JAZF1: variants seen among roughly 807,000 people sequenced by gnomAD.
JAZF1 encodes JAZF zinc finger 1, also known as juxtaposed with another zinc finger protein 1.
A neutral mutation model predicts 26.4 loss-of-function variants in JAZF1; 8 were observed. The observed-to-expected ratio is 0.30, with a 90% CI of 0.18 to 0.55. The LOEUF is 0.55. Among genes scored for constraint, JAZF1 ranks in the 20% least tolerant of loss-of-function variants. The pLI is 0.94. For missense variants in JAZF1, 199 were observed against 322.0 expected (o/e 0.62, Z 2.92); for synonymous variants, 126 against 122.3 (o/e 1.03, Z -0.20).
At chr7:28,160,226 T>C (rs1444390170) in intron 1 of JAZF1, among the ~76,000 whole-genome samples, 4 of 152,014 alleles carry the variant, frequency 2.6e-5, no homozygotes, top group Admixed American at 6.6e-5. Flanking sequence ...TGGGGGTACA[T>C]AGTGAAAAAA....
chr7:28,154,487 G>T (rs1783151932), intron 1 of JAZF1, among the ~76,000 whole-genome samples: 1 of 152,206 alleles, frequency 6.6e-6, no homozygotes, highest in East Asian at 1.9e-4. Context: ...GTTCTGGAGT[G>T]AGTGCAGGAC....
intron 1 of JAZF1, among the ~76,000 whole-genome samples, chr7:28,058,197 G>C (rs988270573): frequency 1.3e-4 from 20 of 152,208 alleles, no homozygotes; most frequent in Admixed American, 9.8e-4. Flanking sequence ...ACCAGTCAGA[G>C]TTTGTATGCA....
intron 1 of JAZF1, among the ~76,000 whole-genome samples, chr7:28,103,147 C>T (rs369700363): frequency 2.0e-5 from 3 of 152,304 alleles, no homozygotes; most frequent in Admixed American, 6.5e-5. Flanking sequence ...CCTTCCACCT[C>T]GGTGGTCCCT....
chr7:27,978,338 T>C (rs1785511756), intron 2 of JAZF1, among the ~76,000 whole-genome samples: 1 of 152,114 alleles, frequency 6.6e-6, no homozygotes, highest in African/African-American at 2.4e-5. Context: ...AGAAATACAT[T>C]GGAAATGTGG....
intron 1 of JAZF1, among the ~76,000 whole-genome samples, chr7:28,047,824 T>C (rs1030128938): frequency 6.6e-6 from 1 of 152,132 alleles, no homozygotes; most frequent in African/African-American, 2.4e-5. Context: ...TACCACGGAG[T>C]ATTATTTTTC....
intron 1 of JAZF1, among the ~76,000 whole-genome samples, chr7:28,141,642 A>G (rs1782960588): frequency 6.6e-6 from 1 of 152,206 alleles, no homozygotes; most frequent in South Asian, 2.1e-4. Flanking sequence ...TTTAGTACAA[A>G]TGTTCATATA....
At chr7:27,925,963 C>T (rs1784596487) in intron 2 of JAZF1, among the ~76,000 whole-genome samples, 1 of 152,176 alleles carries the variant, frequency 6.6e-6, no homozygotes. Context: ...CTGGAGAGTC[C>T]CCTGTGGTAT....
chr7:27,853,239 T>A (rs570033541), intron 3 of JAZF1, among the ~76,000 whole-genome samples: 11 of 152,340 alleles, frequency 7.2e-5, no homozygotes, highest in African/African-American at 2.4e-4. Context: ...CAGAAGAATT[T>A]CATTATATTA....
chr7:27,876,039 G>A (rs1484502575), intron 3 of JAZF1, among the ~76,000 whole-genome samples: 2 of 152,152 alleles, frequency 1.3e-5, no homozygotes, highest in East Asian at 3.9e-4. Flanking sequence ...GTGTGGCCTG[G>A]GGCATGTTAC....
intron 1 of JAZF1, among the ~76,000 whole-genome samples, chr7:27,994,844 C>T (rs1405800971): frequency 6.6e-6 from 1 of 152,102 alleles, no homozygotes; most frequent in Non-Finnish European, 1.5e-5. Flanking sequence ...ACTTCACATT[C>T]AGTAAAAGTG....
At position 28,073,309 on chromosome 7, in the gene JAZF1, G is replaced by C. The variant is rs539120205; in HGVS notation, c.116-81328C>G. Among the ~76,000 whole-genome samples the C allele has an allele frequency of 2.0e-5, 3 of 152,258 alleles. No homozygotes were observed. In the South Asian group the frequency reaches 6.2e-4, roughly 32 times the overall value. ...AGCCCACACACCCATCCATGCTGTT[G>C]TTTGTAGGGCTCTTTTATACTGAGA... is the stretch of plus-strand genomic sequence containing the variant. On this transcript the variant is annotated intron_variant, in intron 1 of 4. Transcript: ENST00000283928.
chr7:28,174,298 G>A (rs902705774), intron 1 of JAZF1, among the ~76,000 whole-genome samples: 1 of 152,182 alleles, frequency 6.6e-6, no homozygotes, highest in Non-Finnish European at 1.5e-5. Flanking sequence ...GGATTTTTAA[G>A]GAATTCAGAA....
chr7:27,932,809 G>A (rs1477952099), intron 2 of JAZF1, among the ~76,000 whole-genome samples: 1 of 152,176 alleles, frequency 6.6e-6, no homozygotes, highest in Non-Finnish European at 1.5e-5. Flanking sequence ...GTGGTGACTG[G>A]ATAGGCTACT....
intron 1 of JAZF1, among the ~76,000 whole-genome samples, chr7:28,176,213 G>A (rs1783549424): frequency 6.6e-6 from 1 of 152,222 alleles, no homozygotes; most frequent in Non-Finnish European, 1.5e-5. Context: ...CCTTAACTGG[G>A]CCCTTGCAGG....
intron 1 of JAZF1, among the ~76,000 whole-genome samples, chr7:28,094,598 C>T (rs1784353563): frequency 6.6e-6 from 1 of 152,110 alleles, no homozygotes; most frequent in Non-Finnish European, 1.5e-5. Context: ...ATTTATCTTA[C>T]AGGAATGCCA....
intron 1 of JAZF1, among the ~76,000 whole-genome samples, chr7:28,124,408 G>A (rs1175192587): frequency 1.3e-5 from 2 of 152,226 alleles, no homozygotes; most frequent in African/African-American, 4.8e-5. Context: ...GGCAGCCCAA[G>A]CGGTTCTCGA....
At chr7:28,049,239 C>G (rs1268601534) in intron 1 of JAZF1, among the ~76,000 whole-genome samples, 1 of 151,704 alleles carries the variant, frequency 6.6e-6, no homozygotes. Context: ...CCCACCACCA[C>G]AGCTGGCTAA....
chr7:27,977,021 T>C lies in JAZF1; in HGVS notation c.188+14888A>G, dbSNP rs1464626238. Among the ~76,000 whole-genome samples, 4 of 152,320 alleles carry C rather than the reference T, an allele frequency of 2.6e-5. No individual in the cohort carries two copies. In the South Asian group the frequency reaches 6.2e-4, roughly 24 times the overall value. ...TCATTCAAAACAACCTCTTATTCCA[T>C]ACATTTTTACTTTAAATCCCTGAAC... On this transcript the variant is annotated intron_variant, in intron 2 of 4. Transcript: ENST00000283928.
chr7:28,062,820 T>C (rs1472703041), intron 1 of JAZF1, among the ~76,000 whole-genome samples: 2 of 152,266 alleles, frequency 1.3e-5, no homozygotes, highest in Non-Finnish European at 2.9e-5. Context: ...CTAAACTTCC[T>C]GTTTAAATTC....
Sources: gnomAD v4.1 joint callset for allele counts (sites outside exome capture counted in the v4.1 genomes callset) on GRCh38, gnomAD v4.1.1 for gene constraint, MANE v1.5 for transcripts, NCBI Gene and HGNC (gene_info 2026-07-23, HGNC 2026-07-21) for gene names.